WWOX: variants seen among roughly 807,000 people sequenced by gnomAD.
WWOX encodes WW domain containing oxidoreductase.
WWOX carries 69 observed loss-of-function variants against 46.2 expected under a neutral mutation model. The ratio of observed to expected loss-of-function variants is 1.49; its 90% confidence interval spans 1.23 to 1.82. The LOEUF (loss-of-function observed/expected upper bound fraction) is 1.82. WWOX is among the 40% of genes most tolerant of loss of function. The pLI is 0.00. For synonymous variants in WWOX, 359 were observed against 202.6 expected, an observed-to-expected ratio of 1.77 and a Z score of -6.56; for missense variants, 919 against 542.6, an observed-to-expected ratio of 1.69 and a Z score of -6.89.
intron 5 of WWOX, among the ~76,000 whole-genome samples, chr16:78,230,552 C>G (rs188396237): frequency 1.1e-3 from 170 of 152,338 alleles, no homozygotes; most frequent in Non-Finnish European, 2.2e-3. Context: ...TGTTAGGCGT[C>G]TTCAAGTTAA....
chr16:79,087,941 C>T (rs1192060808), intron 8 of WWOX, among the ~76,000 whole-genome samples: 3 of 152,152 alleles, frequency 2.0e-5, no homozygotes, highest in African/African-American at 7.2e-5. Context: ...AGGAGGCATT[C>T]ATGGGTCTGT....
At chr16:78,128,771 C>T (rs868717904) in intron 4 of WWOX, among the ~76,000 whole-genome samples, 1,929 of 152,274 alleles carry the variant, frequency 0.013, 41 homozygotes, top group African/African-American at 0.044. Context: ...CTTTTTGTAT[C>T]TTGCAATATA....
chr16:78,792,948 A>G (rs1025300923), intron 8 of WWOX, among the ~76,000 whole-genome samples: 4 of 152,230 alleles, frequency 2.6e-5, no homozygotes, highest in Admixed American at 6.5e-5. Flanking sequence ...AACCATGGCA[A>G]TGCAATAGGA....
At chr16:78,291,610 G>A (rs989528135) in intron 5 of WWOX, among the ~76,000 whole-genome samples, 3 of 152,108 alleles carry the variant, frequency 2.0e-5, no homozygotes, top group Admixed American at 6.6e-5. Flanking sequence ...TTGCCTTCTG[G>A]TTGTAACTTG....
At chr16:79,179,104 T>G (rs886791945) in intron 8 of WWOX, among the ~76,000 whole-genome samples, 3 of 152,134 alleles carry the variant, frequency 2.0e-5, no homozygotes, top group Non-Finnish European at 4.4e-5. Flanking sequence ...TAAGGACACA[T>G]GGGGGAACTA....
chr16:78,684,546 G>A (rs978639316), intron 8 of WWOX, among the ~76,000 whole-genome samples: 5 of 152,134 alleles, frequency 3.3e-5, no homozygotes, highest in Admixed American at 6.5e-5. Context: ...AAGCATGCCC[G>A]CTGGCTCAGG....
In WWOX at chr16:78,099,683, C is replaced by G. The variant is rs775739293; in HGVS notation, c.-96C>G. On this transcript the variant is annotated 5_prime_UTR_variant, in exon 1 of 9. Coordinates refer to ENST00000566780, the MANE Select transcript of WWOX (RefSeq NM_016373.4). ...TGCGCAGGCGTGAGCGGTCGGGCCC[C>G]GACGCGCGCGGGTCTCGTTTGGAGC... 4 of 1,429,906 alleles carry G rather than the reference C, an allele frequency of 2.8e-6. No individual in the cohort carries two copies. The African/African-American group carries it at 4.4e-5, about 16-fold the overall frequency. The allele number at this position is 1,429,906 out of a possible 1,614,324, so 88.6% of individuals were successfully genotyped here. A position where few individuals can be genotyped will look rare whatever the true frequency, so the allele number is the denominator to read the frequency against.
At chr16:78,464,126 T>C (rs1437379112) in intron 8 of WWOX, among the ~76,000 whole-genome samples, 2 of 152,066 alleles carry the variant, frequency 1.3e-5, no homozygotes, top group Non-Finnish European at 2.9e-5. Context: ...ATCTGAGAGA[T>C]GTGGCATGAG....
At chr16:78,427,323 C>T (rs879436061) in intron 7 of WWOX, among the ~76,000 whole-genome samples, 2 of 152,178 alleles carry the variant, frequency 1.3e-5, no homozygotes, top group African/African-American at 2.4e-5. Context: ...AGTTACTTAT[C>T]TGGAATCTGA....
chr16:79,201,276 AC>A (rs1162001678), intron 8 of WWOX, among the ~76,000 whole-genome samples: 1 of 151,902 alleles, frequency 6.6e-6, no homozygotes, highest in Non-Finnish European at 1.5e-5. Context: ...ATTGATTCTC[AC>A]TTGATAGAGG....
At chr16:78,715,097 A>G (rs2048530426) in intron 8 of WWOX, among the ~76,000 whole-genome samples, 1 of 152,156 alleles carries the variant, frequency 6.6e-6, no homozygotes, top group Non-Finnish European at 1.5e-5. Flanking sequence ...CCTGGGCCAC[A>G]TAGTGAGACC....
At chr16:78,614,540 G>T (rs79784437) in intron 8 of WWOX, among the ~76,000 whole-genome samples, 4 of 152,174 alleles carry the variant, frequency 2.6e-5, no homozygotes, top group African/African-American at 9.7e-5. Flanking sequence ...AGCTGACCTT[G>T]GGGAGCAGAT....
At chr16:78,591,518 G>T (rs971036469) in intron 8 of WWOX, among the ~76,000 whole-genome samples, 1 of 152,176 alleles carries the variant, frequency 6.6e-6, no homozygotes, top group African/African-American at 2.4e-5. Context: ...TCCTCATTAA[G>T]AGACTGTGGG....
At chr16:78,813,175 T>C (rs2051236102) in intron 8 of WWOX, among the ~76,000 whole-genome samples, 1 of 152,178 alleles carries the variant, frequency 6.6e-6, no homozygotes, top group Admixed American at 6.5e-5. Flanking sequence ...CAAATGTACC[T>C]TTAATATTGC....
chr16:78,417,536 G>C (rs2082826741), intron 6 of WWOX, among the ~76,000 whole-genome samples: 1 of 152,150 alleles, frequency 6.6e-6, no homozygotes, highest in African/African-American at 2.4e-5. Flanking sequence ...AGTATTAATA[G>C]CCCTGGAAAA....
At chr16:78,197,312 C>G (rs1417675047) in intron 5 of WWOX, among the ~76,000 whole-genome samples, 4 of 152,160 alleles carry the variant, frequency 2.6e-5, no homozygotes, top group Admixed American at 6.5e-5. Flanking sequence ...CGATATTATA[C>G]CAAGCTTTAA....
At chr16:78,811,107 G>C (rs1008341635) in intron 8 of WWOX, among the ~76,000 whole-genome samples, 1 of 152,286 alleles carries the variant, frequency 6.6e-6, no homozygotes, top group South Asian at 2.1e-4. Flanking sequence ...GGATTTTAGA[G>C]GAATGCAGTG....
intron 8 of WWOX, among the ~76,000 whole-genome samples, chr16:78,513,617 A>G (rs554857466): frequency 3.3e-5 from 5 of 152,216 alleles, no homozygotes; most frequent in Non-Finnish European, 7.3e-5. Context: ...CCTCCAATAC[A>G]AATTGCCTGT....
intron 8 of WWOX, among the ~76,000 whole-genome samples, chr16:78,875,224 G>C (rs1227744715): frequency 6.6e-6 from 1 of 152,124 alleles, no homozygotes; most frequent in East Asian, 1.9e-4. Flanking sequence ...TCAAATTTCA[G>C]TGTTGGATGT....
Sources: gnomAD v4.1 joint callset for allele counts (sites outside exome capture counted in the v4.1 genomes callset) on GRCh38, gnomAD v4.1.1 for gene constraint, MANE v1.5 for transcripts, NCBI Gene and HGNC (gene_info 2026-07-23, HGNC 2026-07-21) for gene names.